The following ARHGEF28 variants were observed in gnomAD, a reference collection of about 807,000 sequenced individuals.
The protein encoded by ARHGEF28 is Rho guanine nucleotide exchange factor 28, also known as 190 kDa guanine nucleotide exchange factor.
In ARHGEF28, 152 loss-of-function variants were observed where a neutral mutation model predicts 206.6. The ratio of observed to expected loss-of-function variants is 0.74; its 90% CI spans 0.64 to 0.84. The LOEUF (loss-of-function observed/expected upper bound fraction) is 0.84. Ranked by LOEUF, ARHGEF28 falls within the 40% of genes least tolerant of loss-of-function variation. ARHGEF28 has a pLI of 0.00. For missense variants in ARHGEF28, 2,028 were observed against 2,073.2 expected, an observed-to-expected ratio of 0.98 and a Z score of 0.42; for synonymous variants, 763 against 776.4, an observed-to-expected ratio of 0.98 and a Z score of 0.29.
intron 2 of ARHGEF28, among the ~76,000 whole-genome samples, chr5:73,744,050 C>T (rs1751585426): frequency 6.6e-6 from 1 of 151,960 alleles, no homozygotes; most frequent in Non-Finnish European, 1.5e-5. Flanking sequence ...AATAATACCT[C>T]CCAGGTATTA....
At chr5:73,666,607 G>A (rs1180782041) in intron 1 of ARHGEF28, among the ~76,000 whole-genome samples, 1 of 152,158 alleles carries the variant, frequency 6.6e-6, no homozygotes, top group African/African-American at 2.4e-5. Context: ...GCCAAGATTT[G>A]CTGCCTGCAC....
intron 4 of ARHGEF28, among the ~76,000 whole-genome samples, chr5:73,768,184 A>G (rs1753013074): frequency 6.6e-6 from 1 of 151,928 alleles, no homozygotes; most frequent in African/African-American, 2.4e-5. Flanking sequence ...CTGCTAGGGT[A>G]GTGTGGATGG....
At chr5:73,900,921 G>C in intron 30 of ARHGEF28, 1 of 338,434 alleles carries the variant, frequency 3.0e-6, no homozygotes, top group Non-Finnish European at 5.7e-6. Context: ...GAACACTTCA[G>C]TGCAAGAAAG....
At chr5:73,840,423 T>C in intron 10 of ARHGEF28, 57 bp from the exon 11 acceptor site, 1 of 1,549,594 alleles carries the variant, frequency 6.5e-7, no homozygotes, top group Admixed American at 1.8e-5. Flanking sequence ...TATTAATTCT[T>C]AGCTAGGCCA....
Position 73,749,881 on chromosome 5 carries a change from T to C in ARHGEF28, c.78T>C (p.Leu26=). The C allele has an allele frequency of 1.2e-6, 2 of 1,614,044 alleles. No homozygotes were observed. Among genetic ancestry groups the C allele is most frequent in the Non-Finnish European group, 1.7e-6 (2 of 1,179,896 alleles). Residue 26 remains leucine, a synonymous_variant, in exon 3 of 36, where the codon CTT becomes CTC. Coordinates refer to ENST00000513042, the MANE Select transcript of ARHGEF28 (RefSeq NM_001177693.2). ...IYAKFDKNVY[L]PEDAEFYFTY... ...CGAAGTTTGACAAAAATGTGTATCT[T>C]CCTGAAGATGCTGAGTTTTACTTTA... is the stretch of plus-strand genomic sequence containing the variant.
At chr5:73,662,066 T>C (rs555928829) in intron 1 of ARHGEF28, among the ~76,000 whole-genome samples, 112 of 152,374 alleles carry the variant, frequency 7.4e-4, no homozygotes, top group Non-Finnish European at 7.1e-4. Flanking sequence ...GTATTTGGTA[T>C]GCACAAGCTT....
intron 35 of ARHGEF28, among the ~76,000 whole-genome samples, chr5:73,917,186 C>T (rs1179330255): frequency 2.0e-5 from 3 of 152,070 alleles, no homozygotes. Context: ...TAAATGAAAA[C>T]AAAGCTGAAG....
At chr5:73,634,355 C>G (rs1053699190) in intron 1 of ARHGEF28, among the ~76,000 whole-genome samples, 2 of 152,118 alleles carry the variant, frequency 1.3e-5, no homozygotes, top group African/African-American at 4.8e-5. Flanking sequence ...TCTATTATAT[C>G]TCTTTGTCTA....
intron 4 of ARHGEF28, among the ~76,000 whole-genome samples, chr5:73,772,629 T>C (rs559943340): frequency 6.2e-4 from 95 of 152,314 alleles, no homozygotes; most frequent in African/African-American, 2.1e-3. Context: ...TCCTCCCGCG[T>C]TGGCCTCCCA....
At chr5:73,763,778 G>A (rs936443959) in intron 4 of ARHGEF28, among the ~76,000 whole-genome samples, 2 of 152,072 alleles carry the variant, frequency 1.3e-5, no homozygotes, top group African/African-American at 4.8e-5. Flanking sequence ...GAAAGGAGGA[G>A]GTATGCCATA....
intron 4 of ARHGEF28, among the ~76,000 whole-genome samples, chr5:73,763,175 C>G (rs1305442648): frequency 6.6e-6 from 1 of 152,180 alleles, no homozygotes; most frequent in African/African-American, 2.4e-5. Context: ...CTTCCTCCCT[C>G]CAGATATGGC....
In ARHGEF28 at chr5:73,909,642, G is replaced by A. The variant is rs755319891; in HGVS notation, c.4392G>A (p.Ala1464=). ...GCAGGTGTGAGCAGCAGCAGCGGGCGCAGGCGACCAGGGAGAGCTGGCTGC... is the reference window on the plus strand; with the variant it reads ...GCAGGTGTGAGCAGCAGCAGCGGGCACAGGCGACCAGGGAGAGCTGGCTGC... ...WLRRCEQQQR[A]QATRESWLQE... The change falls in exon 34 of 36, where the codon GCG becomes GCA. Residue 1464 remains alanine (A), a synonymous_variant. Transcript: ENST00000513042. 4.2e-5 allele frequency: 65 copies of A among 1,548,526 alleles called. No individual in the cohort carries two copies. The East Asian group carries it at 6.4e-4, about 15-fold the overall frequency.
intron 1 of ARHGEF28, among the ~76,000 whole-genome samples, chr5:73,680,792 T>C (rs1222322787): frequency 1.3e-5 from 2 of 152,328 alleles, no homozygotes; most frequent in Non-Finnish European, 2.9e-5. Context: ...TCTTGCACAA[T>C]TAAATTTGCT....
intron 35 of ARHGEF28, among the ~76,000 whole-genome samples, chr5:73,936,028 G>A (rs1451099905): frequency 6.6e-6 from 1 of 152,134 alleles, no homozygotes; most frequent in Non-Finnish European, 1.5e-5. Flanking sequence ...ATGTTTATGA[G>A]GAAAGAGATA....
intron 9 of ARHGEF28, among the ~76,000 whole-genome samples, chr5:73,809,742 A>C (rs1394558784): frequency 6.6e-6 from 1 of 152,232 alleles, no homozygotes; most frequent in East Asian, 1.9e-4. Flanking sequence ...TCTTCTCTGA[A>C]TAATTATAAC....
At chr5:73,881,285 C>A (rs1473537973) in intron 22 of ARHGEF28, among the ~76,000 whole-genome samples, 1 of 152,010 alleles carries the variant, frequency 6.6e-6, no homozygotes, top group African/African-American at 2.4e-5. Context: ...TAGTTCCTTT[C>A]CTTTTTCATA....
intron 9 of ARHGEF28, among the ~76,000 whole-genome samples, chr5:73,813,979 C>T (rs1756019769): frequency 6.6e-6 from 1 of 151,318 alleles, no homozygotes; most frequent in African/African-American, 2.4e-5. Flanking sequence ...TTCAGAATTA[C>T]CTTGGAGTTA....
chr5:73,876,701 C>T (rs1760516935), intron 22 of ARHGEF28, among the ~76,000 whole-genome samples: 1 of 150,898 alleles, frequency 6.6e-6, no homozygotes, highest in African/African-American at 2.4e-5. Flanking sequence ...GTCTTTGGTT[C>T]TGTTTATATG....
intron 9 of ARHGEF28, among the ~76,000 whole-genome samples, chr5:73,803,046 T>C (rs1169337697): frequency 6.6e-6 from 1 of 152,170 alleles, no homozygotes; most frequent in Admixed American, 6.5e-5. Flanking sequence ...TGGTACAATT[T>C]ACTTTACCTT....
Sources: gnomAD v4.1 joint callset for allele counts (sites outside exome capture counted in the v4.1 genomes callset) on GRCh38, gnomAD v4.1.1 for gene constraint, MANE v1.5 for transcripts, NCBI Gene and HGNC (gene_info 2026-07-23, HGNC 2026-07-21) for gene names.